Variants in DARS1 observed in about 807,000 individuals in gnomAD.
DARS1 encodes aspartyl-tRNA synthetase 1.
In DARS1, 51 loss-of-function variants were observed where a neutral mutation model predicts 68.8. The observed-to-expected ratio is 0.74, with a 90% CI of 0.59 to 0.94. The LOEUF (loss-of-function observed/expected upper bound fraction) is 0.94. Ranked by LOEUF, DARS1 falls within the 40% of genes least tolerant of loss-of-function variation. DARS1 has a pLI of 0.00. For synonymous variants in DARS1, 203 were observed against 190.4 expected (o/e 1.07, Z -0.55); for missense variants, 607 against 597.3 (o/e 1.02, Z -0.17).
intron 1 of DARS1, 117 bp downstream of exon 1, chr2:135,985,286 A>C (rs1682750482): frequency 6.9e-7 from 1 of 1,443,574 alleles, no homozygotes; most frequent in African/African-American, 1.4e-5. Context: ...CCACGCCCGC[A>C]GCCTGCGGAG....
intron 3 of DARS1, among the ~76,000 whole-genome samples, chr2:135,968,432 A>G (rs1187213664): frequency 6.6e-6 from 1 of 152,112 alleles, no homozygotes; most frequent in Non-Finnish European, 1.5e-5. Flanking sequence ...GGGAAGTCCA[A>G]AGTTGAAGGG....
chr2:135,983,423 G>T lies in DARS1; in HGVS notation c.98C>A (p.Ser33Ter). 1 of 1,239,920 alleles carries T rather than the reference G, an allele frequency of 8.1e-7. No individual in the cohort carries two copies. Among genetic ancestry groups the T allele is most frequent in the Non-Finnish European group, 1.2e-6 (1 of 846,172 alleles). The allele number at this position is 1,239,920 out of a possible 1,614,324, so 76.8% of individuals were successfully genotyped here. ...DYAKERYGISSMIQSQEKPDR... is the reference protein window; with the variant it reads ...DYAKERYGIS Reference sequence around the variant, plus strand: ...TGGTTTTTCTTGTGATTGTATCATTGAAGATATTCCATATCTCTCTTTAGC... The same window carrying T: ...TGGTTTTTCTTGTGATTGTATCATTTAAGATATTCCATATCTCTCTTTAGC... Residue 33 changes from serine to a stop codon, truncating the protein, a stop_gained, in exon 2 of 16, where the codon TCA becomes TAA. Transcript: ENST00000264161. LOFTEE classifies it high-confidence loss of function.
At chr2:135,971,732 G>C (rs1365559379) in intron 3 of DARS1, among the ~76,000 whole-genome samples, 2 of 152,066 alleles carry the variant, frequency 1.3e-5, no homozygotes, top group Non-Finnish European at 2.9e-5. Context: ...GATAAATTCA[G>C]TAATCAGTAA....
intron 7 of DARS1, among the ~76,000 whole-genome samples, chr2:135,925,472 C>A (rs2104804147): frequency 6.6e-6 from 1 of 152,222 alleles, no homozygotes; most frequent in East Asian, 1.9e-4. Context: ...CACAGTAGTA[C>A]CCTGTGAAAA....
At chr2:135,979,595 C>A (rs998975747) in intron 2 of DARS1, among the ~76,000 whole-genome samples, 1 of 152,162 alleles carries the variant, frequency 6.6e-6, no homozygotes, top group African/African-American at 2.4e-5. Context: ...ATTTCTCTAC[C>A]ATCTTCACTG....
chr2:135,949,416 C>T (rs1681796836), intron 4 of DARS1, among the ~76,000 whole-genome samples: 1 of 151,998 alleles, frequency 6.6e-6, no homozygotes, highest in African/African-American at 2.4e-5. Context: ...AAATGGCACA[C>T]ATACAAAAAA....
At chr2:135,956,465 C>T (rs1291923546) in intron 4 of DARS1, among the ~76,000 whole-genome samples, 2 of 152,128 alleles carry the variant, frequency 1.3e-5, no homozygotes, top group Non-Finnish European at 2.9e-5. Context: ...ACCCAATTAG[C>T]TATGGCGGGT....
intron 7 of DARS1, among the ~76,000 whole-genome samples, chr2:135,924,899 C>A (rs746297567): frequency 1.3e-5 from 2 of 151,704 alleles, no homozygotes; most frequent in African/African-American, 4.8e-5. Flanking sequence ...TGGTATTTGA[C>A]AATAAATGAA....
intron 7 of DARS1, among the ~76,000 whole-genome samples, chr2:135,925,875 T>C (rs544533803): frequency 6.6e-6 from 1 of 152,336 alleles, no homozygotes; most frequent in Admixed American, 6.5e-5. Flanking sequence ...TGTACAGAGA[T>C]GTATTTCACT....
At position 135,924,474 on chromosome 2, in the gene DARS1, G is replaced by A. The variant is rs768303311; in HGVS notation, c.589C>T (p.Arg197Cys). 42 of 1,606,814 alleles carry A rather than the reference G, an allele frequency of 2.6e-5. No homozygotes were observed. The highest frequency in any genetic ancestry group is 1.6e-4 in the Middle Eastern group (1 of 6,070). The change falls in exon 8 of 16, where the codon CGT becomes TGT. Residue 197 changes from arginine (R) to cysteine (C), a missense_variant. By Grantham distance (180) the Arg-to-Cys change is radical (BLOSUM62 -3). Coordinates refer to ENST00000264161, the MANE Select transcript of DARS1 (RefSeq NM_001349.4). ...LRTSTSQAVF[R>C]LQSGICHLFR... ...AGATGGCAGATGCCAGACTGGAGAC[G>A]GAAGACTGCCTGACTAGTTGATGTC...
chr2:135,965,414 TA>T (rs1682201852), intron 3 of DARS1, among the ~76,000 whole-genome samples: 1 of 151,868 alleles, frequency 6.6e-6, no homozygotes, highest in Non-Finnish European at 1.5e-5. Context: ...CCAAAACAGA[TA>T]ATCTGAAGGA....
chr2:135,975,903 T>C (rs1682487166), intron 3 of DARS1, among the ~76,000 whole-genome samples: 1 of 149,590 alleles, frequency 6.7e-6, no homozygotes, highest in Non-Finnish European at 1.5e-5. Flanking sequence ...GAGCTGAGAT[T>C]GCCTCACTGC....
intron 3 of DARS1, among the ~76,000 whole-genome samples, chr2:135,962,741 G>A (rs930944100): frequency 6.6e-6 from 1 of 152,106 alleles, no homozygotes; most frequent in African/African-American, 2.4e-5. Context: ...CCTAAAAAAC[G>A]AAGTTGTATT....
intron 2 of DARS1, among the ~76,000 whole-genome samples, chr2:135,981,190 C>G (rs1212788536): frequency 6.6e-6 from 1 of 152,132 alleles, no homozygotes; most frequent in Non-Finnish European, 1.5e-5. Flanking sequence ...GATTTGCCAG[C>G]AAAAGAACAA....
chr2:135,965,035 T>C (rs1213207177), intron 3 of DARS1, among the ~76,000 whole-genome samples: 1 of 151,788 alleles, frequency 6.6e-6, no homozygotes, highest in Non-Finnish European at 1.5e-5. Flanking sequence ...TATGTAAAAG[T>C]GTGCCAGTAC....
chr2:135,923,208 A>C (rs1681141617), intron 8 of DARS1, among the ~76,000 whole-genome samples: 2 of 152,130 alleles, frequency 1.3e-5, no homozygotes, highest in Admixed American at 1.3e-4. Context: ...GAGTTGTTAA[A>C]ATTTTTTTTT....
At chr2:135,967,804 C>T (rs1298067211) in intron 3 of DARS1, among the ~76,000 whole-genome samples, 1 of 152,110 alleles carries the variant, frequency 6.6e-6, no homozygotes, top group Non-Finnish European at 1.5e-5. Flanking sequence ...TGAGTTGTTT[C>T]TTGAAGCCCA....
intron 14 of DARS1, 58 bp downstream of exon 14, chr2:135,911,324 G>T: frequency 1.2e-6 from 1 of 851,754 alleles, no homozygotes; most frequent in Non-Finnish European, 2.0e-6. Flanking sequence ...TCTTTTAAAT[G>T]TTTACAATGT....
rs949091281 is a variant in DARS1 at position 135,914,661 on chromosome 2, G to C, written c.1107-150C>G. 4 of 644,138 alleles carry C rather than the reference G, an allele frequency of 6.2e-6. No individual in the cohort carries two copies. In the African/African-American group the frequency reaches 7.3e-5, roughly 12 times the overall value. 39.9% of individuals were successfully genotyped at this position (644,138 alleles called of 1,614,324 possible). A position where few individuals can be genotyped will look rare whatever the true frequency, so the allele number is the denominator to read the frequency against. On this transcript the variant is annotated intron_variant, in intron 11 of 15. Coordinates refer to ENST00000264161, the MANE Select transcript of DARS1 (RefSeq NM_001349.4). ...ATTCTGCTCTTTTCTTAAAAGGCAA[G>C]TACTACTGAAAATCACTTATGAGTA...
Sources: gnomAD v4.1 joint callset for allele counts (sites outside exome capture counted in the v4.1 genomes callset) on GRCh38, gnomAD v4.1.1 for gene constraint, MANE v1.5 for transcripts, NCBI Gene and HGNC (gene_info 2026-07-23, HGNC 2026-07-21) for gene names.